The following FGF13 variants were observed in gnomAD, a reference collection of about 807,000 sequenced individuals.
The protein encoded by FGF13 is fibroblast growth factor homologous factor 2.
FGF13 carries 2 observed loss-of-function variants against 19.5 expected under a neutral mutation model. The observed-to-expected ratio is 0.10, with a 90% CI of 0.04 to 0.32. The LOEUF (loss-of-function observed/expected upper bound fraction) is 0.32. Ranked by LOEUF, FGF13 falls within the 10% of genes least tolerant of loss-of-function variation. The pLI, the probability that FGF13 is intolerant of heterozygous loss-of-function variation, is 1.00. For missense variants in FGF13, 113 were observed against 192.7 expected (o/e 0.59, Z 2.45); for synonymous variants, 72 against 76.9 (o/e 0.94, Z 0.33).
chrX:138,951,155 T>A (rs1338670025), intron 1 of FGF13, among the ~76,000 whole-genome samples: 2 of 111,570 alleles, frequency 1.8e-5, no homozygotes, highest in African/African-American at 3.3e-5. Flanking sequence ...AGTCAGAAAT[T>A]GAACAAAGAT....
chrX:138,829,166 G>A (rs1197357870), intron 3 of FGF13, among the ~76,000 whole-genome samples: 5 of 111,651 alleles, frequency 4.5e-5, no homozygotes, highest in African/African-American at 6.5e-5. Flanking sequence ...TCACACACAC[G>A]TTTTCTCAGC....
intron 1 of FGF13, among the ~76,000 whole-genome samples, chrX:138,878,584 C>T (rs1404908962): frequency 4.6e-5 from 5 of 107,655 alleles, no homozygotes; most frequent in African/African-American, 1.4e-4. Flanking sequence ...CAAGTCTTTG[C>T]TATTGTGAAT....
chrX:139,158,785 T>A (rs1311921049), intron 1 of FGF13, among the ~76,000 whole-genome samples: 1 of 110,569 alleles, frequency 9.0e-6, no homozygotes, highest in Non-Finnish European at 1.9e-5. Context: ...GAAACAAGAA[T>A]GAAAAGGAAC....
At chrX:139,013,246 A>C (rs892513403) in intron 1 of FGF13, among the ~76,000 whole-genome samples, 3 of 109,500 alleles carry the variant, frequency 2.7e-5, no homozygotes, top group Non-Finnish European at 5.7e-5. Context: ...CGTTGGAGGG[A>C]ATGTAAACTA....
At chrX:139,019,755 C>G (rs1244728541) in intron 1 of FGF13, among the ~76,000 whole-genome samples, 4 of 110,092 alleles carry the variant, frequency 3.6e-5, no homozygotes, top group Admixed American at 2.9e-4. Flanking sequence ...TGTGAGTGTT[C>G]ATGTCTATGT....
chrX:139,015,376 A>T (rs1025464787), intron 1 of FGF13, among the ~76,000 whole-genome samples: 2 of 111,744 alleles, frequency 1.8e-5, no homozygotes, highest in African/African-American at 6.5e-5. Context: ...GTAAAGTTGC[A>T]GGATACAAAG....
intron 1 of FGF13, among the ~76,000 whole-genome samples, chrX:139,035,576 T>C (rs1372691041): frequency 9.0e-6 from 1 of 111,581 alleles, no homozygotes; most frequent in Non-Finnish European, 1.9e-5. Flanking sequence ...CTGAGAGAAC[T>C]TCTTTCCTTT....
chrX:138,830,687 T>TGTGTG (rs1556225883), intron 3 of FGF13, among the ~76,000 whole-genome samples: 3 of 87,513 alleles, frequency 3.4e-5, no homozygotes, highest in South Asian at 1.4e-3. Flanking sequence ...AAAGGGGTGT[T>TGTGTG]TGTGTGTGTG....
At chrX:139,143,381 A>C (rs1162027192) in intron 1 of FGF13, among the ~76,000 whole-genome samples, 1 of 112,445 alleles carries the variant, frequency 8.9e-6, no homozygotes, top group African/African-American at 3.2e-5. Flanking sequence ...GCAAAAACTG[A>C]TAAGCTTCCA....
In FGF13 at chrX:138,745,857, C is replaced by A. The variant is rs754286341; in HGVS notation, c.218-36929G>T. Among the ~76,000 whole-genome samples the A allele has an allele frequency of 2.7e-5, 3 of 111,454 alleles. No homozygotes were observed. In the South Asian group the frequency reaches 1.1e-3, roughly 42 times the overall value. ...AGATACCTGCAGAAGGCAATCAGTG[C>A]CATCTTAAAGAATATAAGGCTCTGA... On this transcript the variant is annotated intron_variant, in intron 3 of 6. Coordinates refer to the FGF13 transcript ENST00000436198.
At chrX:138,781,356 C>CA (rs1318616466) in intron 3 of FGF13, among the ~76,000 whole-genome samples, 2 of 109,706 alleles carry the variant, frequency 1.8e-5, no homozygotes, top group African/African-American at 3.3e-5. Flanking sequence ...AAAAACCCTT[C>CA]AAAAAATTAA....
At chrX:139,097,401 T>C (rs781624268) in intron 1 of FGF13, among the ~76,000 whole-genome samples, 1 of 111,593 alleles carries the variant, frequency 9.0e-6, no homozygotes, top group African/African-American at 3.3e-5. Context: ...GGGCCACATG[T>C]GGCTCATGGC....
rs753939833 is a variant in FGF13, at chrX:138,697,561, CAA to C, written c.402+5421_402+5422del. 2.9e-3 allele frequency among the ~76,000 whole-genome samples: 325 copies of C among 110,236 alleles called. 3 individuals are homozygous for C. Among genetic ancestry groups the C allele is most frequent in the African/African-American group, 1.0e-2 (303 of 30,311 alleles). On this transcript the variant is annotated intron_variant, in intron 3 of 4. Transcript: ENST00000315930. ...AAATCCATGAATGAAAAAGGCTTGT[CAA>C]AGGATTTCTACTTGTCTATACGTTT...
chrX:138,633,088 A>T (rs1344291216), intron 4 of FGF13, 102 bp from the exon 5 acceptor site: 2 of 871,180 alleles, frequency 2.3e-6, no homozygotes, highest in Admixed American at 6.0e-5. Flanking sequence ...ACACACCTAA[A>T]TGATAAGTAT....
intron 1 of FGF13, among the ~76,000 whole-genome samples, chrX:138,887,786 C>G (rs922062157): frequency 2.7e-5 from 3 of 112,219 alleles, no homozygotes; most frequent in African/African-American, 9.7e-5. Flanking sequence ...AAAGACTGAG[C>G]AGTGGCTCCT....
chrX:139,059,422 A>T lies in FGF13; in HGVS notation c.-113+143994T>A, dbSNP rs192044930. On this transcript the variant is annotated intron_variant, in intron 1 of 2. Transcript: ENST00000421460. Reference sequence around the variant, plus strand: ...CAATGATAAAGTGAAGAATGTTCTTAAAAAAAAAAGAGAGAGAGAGAGAGA... The same window carrying T: ...CAATGATAAAGTGAAGAATGTTCTTTAAAAAAAAAGAGAGAGAGAGAGAGA... 1.2e-4 allele frequency among the ~76,000 whole-genome samples: 13 copies of T among 105,927 alleles called. No homozygotes were observed. The South Asian group carries it at 2.1e-3, about 17-fold the overall frequency. The allele number at this position is 105,927 out of a possible 115,157, so 92.0% of individuals were successfully genotyped here. A position where few individuals can be genotyped will look rare whatever the true frequency, so the allele number is the denominator to read the frequency against.
At chrX:139,002,208 A>T (rs1380569436) in intron 1 of FGF13, among the ~76,000 whole-genome samples, 2 of 110,518 alleles carry the variant, frequency 1.8e-5, no homozygotes, top group Non-Finnish European at 3.8e-5. Flanking sequence ...GGGCTTGGGG[A>T]GGGATAGCAT....
intron 3 of FGF13, among the ~76,000 whole-genome samples, chrX:138,636,015 G>C (rs2089179601): frequency 8.9e-6 from 1 of 111,995 alleles, no homozygotes; most frequent in African/African-American, 3.2e-5. Context: ...GTTCCCTTCA[G>C]GGTTCAATAT....
chrX:139,024,896 A>G (rs779519409), intron 1 of FGF13, among the ~76,000 whole-genome samples: 1 of 110,339 alleles, frequency 9.1e-6, no homozygotes, highest in South Asian at 3.9e-4. Context: ...TCAACTATAT[A>G]CCTCTCTAGG....
Sources: gnomAD v4.1 joint callset for allele counts (sites outside exome capture counted in the v4.1 genomes callset) on GRCh38, gnomAD v4.1.1 for gene constraint, MANE v1.5 for transcripts, NCBI Gene and HGNC (gene_info 2026-07-23, HGNC 2026-07-21) for gene names.